The following SH3GL3 variants were observed in gnomAD, a reference collection of about 807,000 sequenced individuals.
SH3GL3 encodes SH3 domain containing GRB2 like 3, endophilin A3.
In SH3GL3, 33 loss-of-function variants were observed where a neutral mutation model predicts 47.7. The observed-to-expected ratio is 0.69, with a 90% CI of 0.52 to 0.92. SH3GL3 has a LOEUF of 0.92. Ranked by LOEUF, SH3GL3 falls within the 40% of genes least tolerant of loss-of-function variation. SH3GL3 has a pLI of 0.00. For synonymous variants in SH3GL3, 155 were observed against 148.8 expected (o/e 1.04, Z -0.30); for missense variants, 363 against 417.8 (o/e 0.87, Z 1.14).
chr15:83,619,820 GT>G (rs1054585873), downstream of SH3GL3, among the ~76,000 whole-genome samples: 3 of 152,186 alleles, frequency 2.0e-5, no homozygotes, highest in African/African-American at 7.2e-5. Context: ...CAACACTGAA[GT>G]TTGCTGTATG....
intron 8 of SH3GL3, among the ~76,000 whole-genome samples, chr15:83,600,793 A>G (rs2060360021): frequency 6.6e-6 from 1 of 152,156 alleles, no homozygotes; most frequent in Non-Finnish European, 1.5e-5. Flanking sequence ...CAGTATGGTT[A>G]TCTTCACAAT....
chr15:83,543,191 A>T (rs2044247765), intron 1 of SH3GL3, among the ~76,000 whole-genome samples: 1 of 152,030 alleles, frequency 6.6e-6, no homozygotes, highest in South Asian at 2.1e-4. Context: ...TAATGAAGGG[A>T]CATTGAATTT....
At chr15:83,573,238 C>T (rs892637202) in intron 5 of SH3GL3, among the ~76,000 whole-genome samples, 9 of 152,206 alleles carry the variant, frequency 5.9e-5, no homozygotes, top group African/African-American at 1.9e-4. Flanking sequence ...AGACTTCTAC[C>T]CCACCAGTGA....
At chr15:83,589,450 C>T (rs747785617) in intron 8 of SH3GL3, among the ~76,000 whole-genome samples, 5 of 152,092 alleles carry the variant, frequency 3.3e-5, no homozygotes, top group Non-Finnish European at 5.9e-5. Context: ...GAACATGGCT[C>T]GGTGCAGCCT....
intron 1 of SH3GL3, among the ~76,000 whole-genome samples, chr15:83,487,201 CTGTTTTT>C (rs1567262728): frequency 7.4e-5 from 8 of 108,616 alleles, no homozygotes; most frequent in South Asian, 2.4e-4. Context: ...ACCGGTTTAC[CTGTTTTT>C]TTTTTTTTTT....
the SH3GL3 span, among the ~76,000 whole-genome samples, chr15:83,631,359 C>A: frequency 6.6e-6 from 1 of 152,222 alleles, no homozygotes; most frequent in African/African-American, 2.4e-5. Flanking sequence ...CACAGTTCCA[C>A]TAAGCAGTGC....
chr15:83,574,648 G>T (rs1447595526), intron 5 of SH3GL3, among the ~76,000 whole-genome samples: 1 of 152,116 alleles, frequency 6.6e-6, no homozygotes, highest in African/African-American at 2.4e-5. Flanking sequence ...CACTGACAGT[G>T]GGGTGAAGAT....
chr15:83,574,623 A>C (rs1596292145), intron 5 of SH3GL3, among the ~76,000 whole-genome samples: 1 of 151,894 alleles, frequency 6.6e-6, no homozygotes, highest in Non-Finnish European at 1.5e-5. Flanking sequence ...TGAGCTGCAA[A>C]CCTTCCTGGC....
At chr15:83,584,382 A>G (rs1444365137) in intron 6 of SH3GL3, among the ~76,000 whole-genome samples, 1 of 152,162 alleles carries the variant, frequency 6.6e-6, no homozygotes, top group African/African-American at 2.4e-5. Flanking sequence ...CATAACCGCA[A>G]AGTCCCTTTT....
intron 1 of SH3GL3, among the ~76,000 whole-genome samples, chr15:83,525,352 G>GTGTGTT (rs1491118785): frequency 1.9e-4 from 1 of 5,176 alleles, no homozygotes; most frequent in African/African-American, 1.4e-3. Flanking sequence ...TTCTTTGTGC[G>GTGTGTT]TGTGTGTGTG....
intron 1 of SH3GL3, among the ~76,000 whole-genome samples, chr15:83,537,596 G>A (rs193139557): frequency 1.3e-5 from 2 of 151,404 alleles, no homozygotes; most frequent in Admixed American, 6.6e-5. Flanking sequence ...GAGGGGCTCT[G>A]TTGATCCTTA....
At chr15:83,606,176 T>C (rs2060510668) in intron 8 of SH3GL3, among the ~76,000 whole-genome samples, 1 of 152,188 alleles carries the variant, frequency 6.6e-6, no homozygotes, top group African/African-American at 2.4e-5. Context: ...CAAATATGTA[T>C]TCCAAATGTG....
At chr15:83,466,506 T>C (rs1208725683) in intron 1 of SH3GL3, among the ~76,000 whole-genome samples, 2 of 152,082 alleles carry the variant, frequency 1.3e-5, no homozygotes, top group Non-Finnish European at 2.9e-5. Flanking sequence ...ACTGGAGATA[T>C]ATGTATATAA....
intron 1 of SH3GL3, among the ~76,000 whole-genome samples, chr15:83,468,368 C>T (rs1054070405): frequency 1.3e-5 from 2 of 151,938 alleles, no homozygotes; most frequent in African/African-American, 2.4e-5. Context: ...ATTTTCTTGC[C>T]TTATTTCACT....
chr15:83,563,506 T>A (rs2045382899), intron 2 of SH3GL3, among the ~76,000 whole-genome samples: 1 of 152,210 alleles, frequency 6.6e-6, no homozygotes, highest in African/African-American at 2.4e-5. Flanking sequence ...CACACCCATA[T>A]AATACCTGAT....
In SH3GL3 at chr15:83,448,100, G is replaced by C. The variant is rs369870279; in HGVS notation, c.45+522G>C. ...ATCGAAATGGCCCCGTCTGGACTGT[G>C]CCCGGCTCCCCGGCTGGGGCTCTCT... is the stretch of plus-strand genomic sequence containing the variant. On this transcript the variant is annotated intron_variant, in intron 1 of 8. Transcript: ENST00000427482. The surrounding 1 kb of genome is among the most constrained non-coding windows in gnomAD (Gnocchi z 4.2). Among the ~76,000 whole-genome samples the C allele has an allele frequency of 5.6e-4, 85 of 152,234 alleles. 1 individual carries two copies. The East Asian group carries it at 0.016, about 28-fold the overall frequency.
At chr15:83,495,309 T>C (rs2042036904) in intron 1 of SH3GL3, among the ~76,000 whole-genome samples, 1 of 152,172 alleles carries the variant, frequency 6.6e-6, no homozygotes, top group Non-Finnish European at 1.5e-5. Context: ...CTGAGGGCCA[T>C]AGAGAATGGT....
At chr15:83,533,214 A>T (rs2043759204) in intron 1 of SH3GL3, among the ~76,000 whole-genome samples, 2 of 152,222 alleles carry the variant, frequency 1.3e-5, no homozygotes, top group African/African-American at 4.8e-5. Flanking sequence ...TGGTAGCCAG[A>T]GTAGAATATG....
intron 1 of SH3GL3, among the ~76,000 whole-genome samples, chr15:83,461,205 T>G (rs1387145269): frequency 6.6e-6 from 1 of 152,266 alleles, no homozygotes; most frequent in African/African-American, 2.4e-5. Flanking sequence ...ATCCACAGTT[T>G]TGATTTTTCT....
Sources: gnomAD v4.1 joint callset for allele counts (sites outside exome capture counted in the v4.1 genomes callset) on GRCh38, gnomAD v4.1.1 for gene constraint, Gnocchi (gnomAD v3.1) non-coding constraint, MANE v1.5 for transcripts, NCBI Gene and HGNC (gene_info 2026-07-23, HGNC 2026-07-21) for gene names.